Variants in ABCB7 observed in about 807,000 individuals in gnomAD.
ABCB7 encodes iron-sulfur clusters transporter ABCB7, mitochondrial.
A neutral mutation model predicts 54.4 loss-of-function variants in ABCB7; 7 were observed. The ratio of observed to expected loss-of-function variants is 0.13; its 90% confidence interval spans 0.07 to 0.24. ABCB7 has a LOEUF of 0.24. Among genes scored for constraint, ABCB7 ranks in the 10% least tolerant of loss-of-function variants. The pLI, the probability that ABCB7 is intolerant of heterozygous loss-of-function variation, is 1.00. For missense variants in ABCB7, 356 were observed against 570.4 expected (o/e 0.62, Z 3.83); for synonymous variants, 218 against 207.1 (o/e 1.05, Z -0.45).
rs1345728211 is a variant in ABCB7 at position 75,146,728 on chromosome X, C to T, written c.168+9377G>A. Among the ~76,000 whole-genome samples, 95 of 111,322 alleles carry T rather than the reference C, an allele frequency of 8.5e-4. 4 individuals carry two copies. Among genetic ancestry groups the T allele is most frequent in the Non-Finnish European group, 3.8e-5 (2 of 53,072 alleles). On this transcript the variant is annotated intron_variant, in intron 1 of 15. Coordinates refer to ENST00000373394, the MANE Select transcript of ABCB7 (RefSeq NM_001271696.3). ...AAGTATAAAAACCATGGAAGACAAC[C>T]TAAGTAATACCATTCAGGACAGAGA...
At chrX:75,123,215 AAGAT>A (rs2081895934) in intron 1 of ABCB7, among the ~76,000 whole-genome samples, 1 of 111,468 alleles carries the variant, frequency 9.0e-6, no homozygotes, top group South Asian at 3.7e-4. Context: ...TTGTATGAAT[AAGAT>A]AATGGTCCAG....
chrX:75,067,809 A>G (rs1046427082), intron 12 of ABCB7, among the ~76,000 whole-genome samples: 1 of 110,971 alleles, frequency 9.0e-6, no homozygotes, highest in Non-Finnish European at 1.9e-5. Flanking sequence ...TTAACATACA[A>G]TCTATGAACC....
chrX:75,117,299 T>C (rs1409603793), intron 1 of ABCB7, among the ~76,000 whole-genome samples: 6 of 110,145 alleles, frequency 5.4e-5, no homozygotes, highest in Non-Finnish European at 3.8e-5. Context: ...GTAGTATCTT[T>C]CTGGAGACCA....
chrX:75,147,432 A>T (rs993460357), intron 1 of ABCB7, among the ~76,000 whole-genome samples: 2 of 112,133 alleles, frequency 1.8e-5, no homozygotes, highest in Non-Finnish European at 3.8e-5. Context: ...ATGCCTATCA[A>T]TGACAGACTA....
In ABCB7 at chrX:75,069,415, T is replaced by C. The variant is rs2081345352; in HGVS notation, c.1405A>G (p.Thr469Ala). 1 of 1,208,525 alleles carries C rather than the reference T, an allele frequency of 8.3e-7. No individual in the cohort carries two copies. Among genetic ancestry groups the C allele is most frequent in the African/African-American group, 1.8e-5 (1 of 56,781 alleles). The stretch of plus-strand genomic sequence containing the variant: ...ACATTATCAAAGGCCACGGTAGCTG[T>C]CTGTGGTGTGATCTGAAGGGGAGAT... ...MASPLQITPQ[T>A]ATVAFDNVHF... is the part of the protein sequence containing the mutation. The change falls in exon 11 of 16, where the codon ACA becomes GCA. Residue 469 changes from threonine to alanine, a missense_variant. Around this residue, in one of 2 missense-constraint regions of ABCB7, gnomAD observed 241 missense variants for 470.9 expected, o/e 0.51. Coordinates refer to ENST00000373394, the MANE Select transcript of ABCB7 (RefSeq NM_001271696.3).
At chrX:75,150,605 T>C (rs1000722886) in intron 1 of ABCB7, among the ~76,000 whole-genome samples, 2 of 111,212 alleles carry the variant, frequency 1.8e-5, no homozygotes, top group African/African-American at 3.3e-5. Context: ...ACATGTGGGA[T>C]TGTAGATATC....
At chrX:75,106,199 A>C (rs1392866289) in intron 3 of ABCB7, among the ~76,000 whole-genome samples, 1 of 111,655 alleles carries the variant, frequency 9.0e-6, no homozygotes, top group Non-Finnish European at 1.9e-5. Flanking sequence ...AAATATCTGC[A>C]AACTATGCAC....
At chrX:75,059,705 T>C (rs1303508529) in intron 15 of ABCB7, among the ~76,000 whole-genome samples, 4 of 111,519 alleles carry the variant, frequency 3.6e-5, no homozygotes, top group African/African-American at 1.3e-4. Flanking sequence ...ACTTTTACAG[T>C]ATACTCATAT....
intron 1 of ABCB7, among the ~76,000 whole-genome samples, chrX:75,119,863 CCA>C (rs1290657741): frequency 8.9e-6 from 1 of 111,962 alleles, no homozygotes; most frequent in East Asian, 2.8e-4. Flanking sequence ...TTTTTAATAT[CCA>C]CAGACAATTG....
chrX:75,069,647 C>G (rs750702668), intron 10 of ABCB7, among the ~76,000 whole-genome samples, 193 bp from the exon 11 acceptor site: 1 of 110,176 alleles, frequency 9.1e-6, no homozygotes, highest in Admixed American at 9.7e-5. Flanking sequence ...AAAACAAACC[C>G]TGAATGTTTT....
chrX:75,101,306 C>G (rs2081637798), intron 3 of ABCB7, among the ~76,000 whole-genome samples: 1 of 109,456 alleles, frequency 9.1e-6, no homozygotes, highest in Non-Finnish European at 1.9e-5. Context: ...AAGGTACTGT[C>G]AAGGCCCAGG....
intron 1 of ABCB7, among the ~76,000 whole-genome samples, chrX:75,138,079 A>G (rs918889387): frequency 2.7e-5 from 3 of 112,042 alleles, no homozygotes; most frequent in African/African-American, 9.8e-5. Context: ...ACACACACAA[A>G]AAATGCTCAA....
In ABCB7 at chrX:75,062,345, C is replaced by A; in HGVS notation, c.1918G>T (p.Asp640Tyr). ...ILYDEATSSL[D>Y]SITEETILGA... ...TAACTTACCTCTTCAGTAATCGAAT[C>A]TAACGATGAAGTAGCTTCATCATAG... The change falls in exon 14 of 16, where the codon GAT becomes TAT. Residue 640 changes from aspartate (D) to tyrosine (Y), a missense_variant. Around this residue, in one of 2 missense-constraint regions of ABCB7, gnomAD observed 241 missense variants for 470.9 expected, o/e 0.51. Transcript: ENST00000373394. 1 of 1,207,742 alleles carries A rather than the reference C, an allele frequency of 8.3e-7. No individual in the cohort carries two copies. The highest frequency in any genetic ancestry group is 1.1e-6 in the Non-Finnish European group (1 of 891,941).
chrX:75,072,580 G>A (rs2081371318), intron 8 of ABCB7, among the ~76,000 whole-genome samples: 1 of 111,350 alleles, frequency 9.0e-6, no homozygotes, highest in Non-Finnish European at 1.9e-5. Flanking sequence ...GATTTGCAGT[G>A]GTATATCTGT....
At position 75,069,448 on chromosome X, in the gene ABCB7, C is replaced by T; in HGVS notation, c.1372G>A (p.Val458Met). 8.3e-7 allele frequency: 1 copy of T among 1,208,352 alleles called. No individual in the cohort carries two copies. The highest frequency in any genetic ancestry group is 1.7e-5 in the African/African-American group (1 of 57,400). Residue 458 changes from valine (V) to methionine (M), a missense_variant, in exon 11 of 16, where the codon GTG becomes ATG. Around this residue, in one of 2 missense-constraint regions of ABCB7, gnomAD observed 241 missense variants for 470.9 expected, o/e 0.51. Transcript: ENST00000373394. ...LKVDTQIKDK[V>M]MASPLQITPQ... ...GTGATCTGAAGGGGAGATGCCATCA[C>T]TTTGTCCTAGCAGGGAAGAGAAAAA...
intron 3 of ABCB7, among the ~76,000 whole-genome samples, chrX:75,104,056 T>G (rs923269524): frequency 4.5e-3 from 242 of 53,350 alleles, no homozygotes; most frequent in Non-Finnish European, 7.2e-3. Flanking sequence ...AGTTTTTTTT[T>G]TTTTTTTTTT....
At chrX:75,085,030 A>T (rs2081486277) in intron 4 of ABCB7, among the ~76,000 whole-genome samples, 2 of 112,330 alleles carry the variant, frequency 1.8e-5, no homozygotes. Flanking sequence ...TCTGGACAAC[A>T]GCTTGGCAGT....
In ABCB7 at chrX:75,053,556, A is replaced by G. The variant is rs781524899; in HGVS notation, c.2073T>C (p.His691=). 15 of 1,196,737 alleles carry G rather than the reference A, an allele frequency of 1.3e-5. No individual in the cohort carries two copies. The highest frequency in any genetic ancestry group is 1.5e-5 in the Non-Finnish European group (13 of 886,950). The change falls in exon 16 of 16, where the codon CAT becomes CAC. Residue 691 remains histidine, a synonymous_variant. Coordinates refer to ENST00000373394, the MANE Select transcript of ABCB7 (RefSeq NM_001271696.3). ...TACTATGAGGGTTAGCAAGCAAACCATGGTGGGTACCACGTTCGGCTACCT... is the reference window on the plus strand; with the variant it reads ...TACTATGAGGGTTAGCAAGCAAACCGTGGTGGGTACCACGTTCGGCTACCT... ...QGKVAERGTH[H]GLLANPHSIY... is the part of the protein sequence containing the mutation.
At chrX:75,066,843 T>A (rs1206104129) in intron 12 of ABCB7, among the ~76,000 whole-genome samples, 1 of 111,515 alleles carries the variant, frequency 9.0e-6, no homozygotes, top group Non-Finnish European at 1.9e-5. Context: ...TATTTGCATA[T>A]TTTTCATGAC....
Sources: gnomAD v4.1 joint callset for allele counts (sites outside exome capture counted in the v4.1 genomes callset) on GRCh38, gnomAD v4.1.1 for gene constraint, gnomAD v4.1.1 regional missense constraint, MANE v1.5 for transcripts, NCBI Gene and HGNC (gene_info 2026-07-23, HGNC 2026-07-21) for gene names.